Variants in L3MBTL4 observed in about 807,000 individuals in gnomAD.
The protein encoded by L3MBTL4 is lethal(3)malignant brain tumor-like protein 4.
In L3MBTL4, 70 loss-of-function variants were observed where a neutral mutation model predicts 84.5. The observed-to-expected ratio is 0.83, with a 90% CI of 0.68 to 1.01. The LOEUF (loss-of-function observed/expected upper bound fraction) is 1.01, where lower values mean the gene tolerates loss of function less well. L3MBTL4 is among the 50% of genes least tolerant of loss of function. The pLI, the probability that L3MBTL4 is intolerant of heterozygous loss-of-function variation, is 0.00. For missense variants in L3MBTL4, 715 were observed against 754.8 expected, an observed-to-expected ratio of 0.95 and a Z score of 0.62; for synonymous variants, 274 against 259.8, an observed-to-expected ratio of 1.05 and a Z score of -0.52.
intron 13 of L3MBTL4, among the ~76,000 whole-genome samples, 174 bp downstream of exon 13, chr18:6,171,654 C>CTTA (rs1215376512): frequency 2.6e-5 from 4 of 152,344 alleles, no homozygotes; most frequent in Non-Finnish European, 5.9e-5. Flanking sequence ...ATTAACATAA[C>CTTA]GCATGCCCTT....
intron 14 of L3MBTL4, among the ~76,000 whole-genome samples, chr18:6,123,113 C>A (rs2059579877): frequency 6.6e-6 from 1 of 152,052 alleles, no homozygotes; most frequent in Admixed American, 6.6e-5. Flanking sequence ...TTATTCTAAC[C>A]CAGTTCTTGC....
intron 12 of L3MBTL4, among the ~76,000 whole-genome samples, chr18:6,197,691 A>T (rs572402736): frequency 6.6e-6 from 1 of 152,274 alleles, no homozygotes; most frequent in South Asian, 2.1e-4. Flanking sequence ...TTTTGCCAAC[A>T]CTGGCCTTCC....
intron 3 of L3MBTL4, among the ~76,000 whole-genome samples, chr18:6,309,756 T>A (rs978035234): frequency 6.6e-6 from 1 of 152,182 alleles, no homozygotes. Context: ...TAGAGTAAGA[T>A]AACCGAGTAC....
At chr18:6,153,028 A>G (rs2042960374) in intron 13 of L3MBTL4, among the ~76,000 whole-genome samples, 1 of 152,202 alleles carries the variant, frequency 6.6e-6, no homozygotes, top group Non-Finnish European at 1.5e-5. Context: ...CCTTTGTCAA[A>G]GATTACTTGA....
intron 14 of L3MBTL4, among the ~76,000 whole-genome samples, chr18:6,094,177 G>A (rs2058553984): frequency 6.6e-6 from 1 of 152,194 alleles, no homozygotes; most frequent in Non-Finnish European, 1.5e-5. Flanking sequence ...ATGGGCAGAA[G>A]GATCTGCCAG....
At chr18:6,110,606 T>G (rs1177247868) in intron 14 of L3MBTL4, among the ~76,000 whole-genome samples, 3 of 90,008 alleles carry the variant, frequency 3.3e-5, no homozygotes, top group Non-Finnish European at 6.6e-5. Context: ...ATGTGTGGCA[T>G]GGGGGGGTGG....
chr18:6,062,340 G>T (rs1422209290), intron 16 of L3MBTL4, among the ~76,000 whole-genome samples: 1 of 152,000 alleles, frequency 6.6e-6, no homozygotes, highest in Non-Finnish European at 1.5e-5. Context: ...GAAGTCCAGT[G>T]TAATTCTTAT....
At chr18:6,152,602 G>T (rs2042944716) in intron 13 of L3MBTL4, among the ~76,000 whole-genome samples, 1 of 151,888 alleles carries the variant, frequency 6.6e-6, no homozygotes, top group South Asian at 2.1e-4. Flanking sequence ...TCAGATTTTT[G>T]GTTTTTTGCT....
intron 1 of L3MBTL4, among the ~76,000 whole-genome samples, chr18:6,389,325 A>G (rs545551881): frequency 6.6e-6 from 1 of 152,342 alleles, no homozygotes; most frequent in South Asian, 2.1e-4. Context: ...AGCTCAATCT[A>G]CACCAGAATA....
At chr18:6,138,766 G>A (rs2060109892) in intron 13 of L3MBTL4, among the ~76,000 whole-genome samples, 1 of 152,108 alleles carries the variant, frequency 6.6e-6, no homozygotes, top group South Asian at 2.1e-4. Context: ...TGGCCAGGCT[G>A]GTCTCGAACT....
chr18:5,969,674 C>G, intron 16 of L3MBTL4, 112 bp from the exon 17 acceptor site: 4 of 992,654 alleles, frequency 4.0e-6, no homozygotes, highest in Non-Finnish European at 5.8e-6. Flanking sequence ...GCAGACACCA[C>G]CAGAACCCGC....
intron 13 of L3MBTL4, among the ~76,000 whole-genome samples, chr18:6,147,255 T>A (rs73381934): frequency 2.6e-5 from 4 of 152,032 alleles, no homozygotes; most frequent in African/African-American, 9.7e-5. Flanking sequence ...CATTGGAGAA[T>A]GCAAATAATA....
intron 1 of L3MBTL4, among the ~76,000 whole-genome samples, chr18:6,375,592 T>C (rs2054332547): frequency 6.6e-6 from 1 of 152,172 alleles, no homozygotes; most frequent in Non-Finnish European, 1.5e-5. Context: ...CTAGTTCCTT[T>C]ACTTGAGCCC....
At chr18:6,167,173 A>G (rs1428727980) in intron 13 of L3MBTL4, among the ~76,000 whole-genome samples, 1 of 152,190 alleles carries the variant, frequency 6.6e-6, no homozygotes, top group Non-Finnish European at 1.5e-5. Context: ...TCTGAAATTG[A>G]GGCAATAATT....
At chr18:6,036,787 T>C (rs1231375879) in intron 16 of L3MBTL4, among the ~76,000 whole-genome samples, 1 of 152,212 alleles carries the variant, frequency 6.6e-6, no homozygotes, top group Non-Finnish European at 1.5e-5. Context: ...ATTGTTGTTG[T>C]TTGATTGTTG....
At chr18:6,067,268 A>G (rs2145939566) in intron 16 of L3MBTL4, among the ~76,000 whole-genome samples, 1 of 152,266 alleles carries the variant, frequency 6.6e-6, no homozygotes, top group East Asian at 1.9e-4. Flanking sequence ...CCTGATGACT[A>G]TGTGCCTTGG....
Position 5,995,283 on chromosome 18 carries a change from G to A in L3MBTL4, c.1445-25721C>T, listed in dbSNP as rs578189985. Among the ~76,000 whole-genome samples, 11 of 152,332 alleles carry A rather than the reference G, an allele frequency of 7.2e-5. No homozygotes were observed. The East Asian group carries it at 1.5e-3, about 21-fold the overall frequency. ...GGGTTGATTAAATCTGAACATTCTC[G>A]CCATTGTGTGTCCCTGCATGGTGAC... On this transcript the variant is annotated intron_variant, in intron 16 of 18. Coordinates refer to ENST00000317931, the MANE Select transcript of L3MBTL4 (RefSeq NM_001330559.2).
intron 15 of L3MBTL4, among the ~76,000 whole-genome samples, chr18:6,092,776 C>A (rs2058502828): frequency 6.6e-6 from 1 of 152,148 alleles, no homozygotes; most frequent in Non-Finnish European, 1.5e-5. Flanking sequence ...GTACTTGCAG[C>A]TCCTTAGAAT....
At chr18:6,323,669 T>C (rs1348987784) in intron 1 of L3MBTL4, among the ~76,000 whole-genome samples, 2 of 152,232 alleles carry the variant, frequency 1.3e-5, no homozygotes, top group Non-Finnish European at 2.9e-5. Context: ...CCTAGGCTCA[T>C]ATAACAGCCT....
Sources: gnomAD v4.1 joint callset for allele counts (sites outside exome capture counted in the v4.1 genomes callset) on GRCh38, gnomAD v4.1.1 for gene constraint, MANE v1.5 for transcripts, NCBI Gene and HGNC (gene_info 2026-07-23, HGNC 2026-07-21) for gene names.